DSCAM: variants seen among roughly 807,000 people sequenced by gnomAD.
DSCAM encodes DS cell adhesion molecule.
A neutral mutation model predicts 217.7 loss-of-function variants in DSCAM; 47 were observed. That is an observed-to-expected ratio of 0.22 (90% CI 0.17 to 0.28). The LOEUF (loss-of-function observed/expected upper bound fraction) is 0.28. DSCAM is among the 10% of genes least tolerant of loss of function. The probability of loss-of-function intolerance (pLI) is 1.00; values close to 1 mark genes in which losing one functional copy is unlikely to be tolerated. For missense variants in DSCAM, 2,080 were observed against 2,618.3 expected (o/e 0.79, Z 4.49); for synonymous variants, 1,056 against 1,015.3 (o/e 1.04, Z -0.76).
chr21:40,179,921 G>T (rs2090780851), intron 14 of DSCAM, among the ~76,000 whole-genome samples: 1 of 152,182 alleles, frequency 6.6e-6, no homozygotes, highest in South Asian at 2.1e-4. Context: ...GGCTGGGGAT[G>T]AAAAAAGGAG....
chr21:40,131,096 C>T lies in DSCAM; in HGVS notation c.3562+2758G>A, dbSNP rs916739849. On this transcript the variant is annotated intron_variant, in intron 19 of 32. Coordinates refer to ENST00000400454, the MANE Select transcript of DSCAM (RefSeq NM_001389.5). ...AATTATTATTTTACTGGAAATCTAT[C>T]TGTATTTTTACACAATTTAATTGAA... 2.6e-5 allele frequency among the ~76,000 whole-genome samples: 4 copies of T among 152,206 alleles called. No individual in the cohort carries two copies. The East Asian group carries it at 7.7e-4, about 29-fold the overall frequency.
intron 20 of DSCAM, among the ~76,000 whole-genome samples, chr21:40,095,008 C>A (rs142414287): frequency 0.017 from 2,591 of 152,196 alleles, 79 homozygotes; most frequent in African/African-American, 0.059. Flanking sequence ...TTTCATGCTG[C>A]TGATAAAGAC....
In DSCAM at chr21:40,555,999, T is replaced by C. The variant is rs144118658; in HGVS notation, c.508+136811A>G. Among the ~76,000 whole-genome samples, 327 of 152,270 alleles carry C rather than the reference T, an allele frequency of 2.1e-3. 7 individuals are homozygous for C. Among genetic ancestry groups the C allele is most frequent in the East Asian group, 4.1e-3 (21 of 5,182 alleles). On this transcript the variant is annotated intron_variant, in intron 3 of 32. Transcript: ENST00000400454. The stretch of plus-strand genomic sequence containing the variant: ...GGTGAGAGAGGTACCTGTTAGAAGA[T>C]ACTGTTAAATGTTCCAGAAAAATTC...
chr21:40,678,351 G>A (rs912362799), intron 3 of DSCAM, among the ~76,000 whole-genome samples: 10 of 152,138 alleles, frequency 6.6e-5, no homozygotes, highest in East Asian at 1.9e-4. Flanking sequence ...CAGAACTAGT[G>A]CAGACACAAC....
At chr21:40,592,323 A>G (rs567279891) in intron 3 of DSCAM, among the ~76,000 whole-genome samples, 17 of 152,328 alleles carry the variant, frequency 1.1e-4, no homozygotes, top group African/African-American at 4.1e-4. Context: ...TATTAACTCA[A>G]TATCTATCAA....
At chr21:40,611,600 G>C (rs867392919) in intron 3 of DSCAM, among the ~76,000 whole-genome samples, 1 of 152,144 alleles carries the variant, frequency 6.6e-6, no homozygotes, top group Non-Finnish European at 1.5e-5. Context: ...TGTCTCAGGA[G>C]ACTATTATTT....
chr21:40,338,268 T>A lies in DSCAM; in HGVS notation c.1616A>T (p.Lys539Met), dbSNP rs2074449902. Residue 539 changes from lysine (K) to methionine (M), a missense_variant, in exon 8 of 33, where the codon AAG becomes ATG. Around this residue, in one of 5 missense-constraint regions of DSCAM, gnomAD observed 218 missense variants for 364.1 expected, o/e 0.60. Transcript: ENST00000400454. ...GYPYYSIKWYKNSNLLPFNHR... is the reference protein window; with the variant it reads ...GYPYYSIKWYMNSNLLPFNHR... ...GTTGAAAGGAAGCAGGTTAGAGTTC[T>A]TGTACCATTTAATGGAGTAATACGG... 3 of 1,614,146 alleles carry A rather than the reference T, an allele frequency of 1.9e-6. No individual in the cohort carries two copies. The highest frequency in any genetic ancestry group is 2.5e-6 in the Non-Finnish European group (3 of 1,180,056).
chr21:40,334,900 A>G (rs1247787052), intron 8 of DSCAM, among the ~76,000 whole-genome samples: 1 of 149,894 alleles, frequency 6.7e-6, no homozygotes, highest in Non-Finnish European at 1.5e-5. Context: ...TCAGCAGAAA[A>G]CCCCACGTCC....
intron 4 of DSCAM, among the ~76,000 whole-genome samples, chr21:40,364,136 G>A (rs375799556): frequency 6.6e-6 from 1 of 152,092 alleles, no homozygotes. Flanking sequence ...CTCAGGGATC[G>A]AGAACTAGAA....
rs1287434108 is a variant in DSCAM at position 40,078,687 on chromosome 21, T to C, written c.4711A>G (p.Ser1571Gly). The change falls in exon 26 of 33, where the codon AGT (serine) becomes GGT (glycine). Residue 1571 changes from serine (S) to glycine (G), a missense_variant and splice_region_variant. Ser to Gly is a moderately conservative substitution (Grantham distance 56). Coordinates refer to ENST00000400454, the MANE Select transcript of DSCAM (RefSeq NM_001389.5). ...ANFATLNYDGSTIPPLIKSVV... is the reference protein window; with the variant it reads ...ANFATLNYDGGTIPPLIKSVV... ...AGAGCCACAAAGCCAGCCAGCTTAC[T>C]GCCATCGTAGTTCAGCGTAGCGAAG... 8 of 1,611,214 alleles carry C rather than the reference T, an allele frequency of 5.0e-6. No homozygotes were observed. The South Asian group carries it at 8.8e-5, about 18-fold the overall frequency.
chr21:40,146,171 G>A (rs2090354653), intron 16 of DSCAM, among the ~76,000 whole-genome samples: 3 of 151,932 alleles, frequency 2.0e-5, no homozygotes, highest in African/African-American at 2.4e-5. Flanking sequence ...GGAAATGCAT[G>A]GTAAGAAAGT....
chr21:40,411,135 G>T (rs2075318890), intron 3 of DSCAM, among the ~76,000 whole-genome samples: 1 of 149,386 alleles, frequency 6.7e-6, no homozygotes, highest in Admixed American at 6.7e-5. Context: ...CAATATATGT[G>T]ACCAGACTCA....
intron 3 of DSCAM, among the ~76,000 whole-genome samples, chr21:40,663,364 G>A (rs1280260880): frequency 6.6e-6 from 1 of 151,964 alleles, no homozygotes; most frequent in Non-Finnish European, 1.5e-5. Flanking sequence ...TCCAGGGCCA[G>A]GTCACTGAAC....
chr21:40,629,550 T>C (rs1286239357), intron 3 of DSCAM: 2 of 152,214 alleles, frequency 1.3e-5, no homozygotes, highest in East Asian at 3.8e-4. Context: ...TGTGTTCTCT[T>C]TTTCTCAGTG....
At chr21:40,696,821 T>C (rs1442174528) in intron 2 of DSCAM, among the ~76,000 whole-genome samples, 1 of 152,208 alleles carries the variant, frequency 6.6e-6, no homozygotes, top group Non-Finnish European at 1.5e-5. Context: ...CTGGGGTACA[T>C]GTGATGTTTT....
rs1244774674 is a variant in DSCAM, at chr21:40,620,457, AGAAAG to A, written c.508+72348_508+72352del. Among the ~76,000 whole-genome samples, 2 of 107,092 alleles carry A rather than the reference AGAAAG, an allele frequency of 1.9e-5. 1 individual carries two copies. 70.3% of individuals were successfully genotyped at this position (107,092 alleles called of 152,430 possible). A position where few individuals can be genotyped will look rare whatever the true frequency, so the allele number is the denominator to read the frequency against. ...GGGAAGGGAGGGAAAGGAAAGGAAAAGAAAGGAAGGAAGGAAAAAGGGAAGGGAAG... is the reference window on the plus strand; with the variant it reads ...GGGAAGGGAGGGAAAGGAAAGGAAAAGAAGGAAGGAAAAAGGGAAGGGAAG... On this transcript the variant is annotated intron_variant, in intron 3 of 32. Coordinates refer to ENST00000400454, the MANE Select transcript of DSCAM (RefSeq NM_001389.5).
intron 3 of DSCAM, among the ~76,000 whole-genome samples, chr21:40,643,771 T>A (rs1156676164): frequency 1.3e-5 from 2 of 152,202 alleles, no homozygotes; most frequent in African/African-American, 4.8e-5. Context: ...CAGGGATGTG[T>A]GCACAGAGGA....
intron 1 of DSCAM, among the ~76,000 whole-genome samples, chr21:40,832,113 A>AT (rs2092015991): frequency 2.0e-5 from 3 of 152,208 alleles, no homozygotes; most frequent in African/African-American, 7.2e-5. Context: ...AATTAAAAAT[A>AT]CCCATTTGAC....
rs991530095 is a variant in DSCAM, at chr21:40,766,234, G to A, written c.44-57463C>T. Among the ~76,000 whole-genome samples the A allele has an allele frequency of 2.6e-5, 4 of 152,082 alleles. No homozygotes were observed. The South Asian group carries it at 6.2e-4, about 24-fold the overall frequency. On this transcript the variant is annotated intron_variant, in intron 1 of 32. Transcript: ENST00000400454. ...ACTTATTAAAAATCATGAACTGTTAGGACCCGATTACAAAGTAAGTTGAAA... is the reference window on the plus strand; with the variant it reads ...ACTTATTAAAAATCATGAACTGTTAAGACCCGATTACAAAGTAAGTTGAAA...
Sources: gnomAD v4.1 joint callset for allele counts (sites outside exome capture counted in the v4.1 genomes callset) on GRCh38, gnomAD v4.1.1 for gene constraint, gnomAD v4.1.1 regional missense constraint, MANE v1.5 for transcripts, NCBI Gene and HGNC (gene_info 2026-07-23, HGNC 2026-07-21) for gene names.